Variants in COL24A1 observed in about 807,000 individuals in gnomAD.
COL24A1 encodes collagen type XXIV alpha 1 chain.
In COL24A1, 224 loss-of-function variants were observed where a neutral mutation model predicts 253.9. The observed-to-expected ratio is 0.88, with a 90% CI of 0.79 to 0.99. The LOEUF (loss-of-function observed/expected upper bound fraction) is 0.99. COL24A1 is among the 50% of genes least tolerant of loss of function. COL24A1 has a pLI of 0.00. For synonymous variants in COL24A1, 685 were observed against 673.7 expected (o/e 1.02, Z -0.26); for missense variants, 2,131 against 2,068.5 (o/e 1.03, Z -0.59).
At chr1:85,736,273 G>T (rs1231541252) in intron 58 of COL24A1, 1 of 455,994 alleles carries the variant, frequency 2.2e-6, no homozygotes, top group African/African-American at 2.0e-5. Context: ...TACTTCTCTG[G>T]TCTTCCTTGG....
intron 25 of COL24A1, among the ~76,000 whole-genome samples, chr1:85,910,490 T>C (rs991388361): frequency 1.3e-5 from 2 of 151,862 alleles, no homozygotes; most frequent in Non-Finnish European, 2.9e-5. Context: ...AAATCTGTCA[T>C]AGCAGCTTAA....
chr1:85,924,680 A>G (rs553685407), intron 24 of COL24A1, among the ~76,000 whole-genome samples: 1 of 152,322 alleles, frequency 6.6e-6, no homozygotes, highest in African/African-American at 2.4e-5. Context: ...TCAAAATAAT[A>G]AGAGCTATTT....
At position 85,938,848 on chromosome 1, in the gene COL24A1, C is replaced by CTGATTTAAAT. The variant is rs1189365157; in HGVS notation, c.2562+22400_2562+22401insATTTAAATCA. On this transcript the variant is annotated intron_variant, in intron 24 of 59. Transcript: ENST00000370571. ...ACTATAAAAGCCCAGTTACTTAAGC[C>CTGATTTAAAT]TAGCATGGGACTACTCAGATGGGTC... Among the ~76,000 whole-genome samples the CTGATTTAAAT allele has an allele frequency of 4.2e-5, 5 of 118,062 alleles. 1 individual carries two copies. Among genetic ancestry groups the CTGATTTAAAT allele is most frequent in the Non-Finnish European group, 7.5e-5 (4 of 53,144 alleles). 77.5% of individuals were successfully genotyped at this position (118,062 alleles called of 152,430 possible).
At chr1:85,801,633 C>G (rs182766571) in intron 47 of COL24A1, among the ~76,000 whole-genome samples, 214 of 152,282 alleles carry the variant, frequency 1.4e-3, no homozygotes, top group African/African-American at 5.1e-3. Flanking sequence ...TCTTTGTTGA[C>G]TTTTTTAACC....
intron 53 of COL24A1, among the ~76,000 whole-genome samples, chr1:85,766,057 C>G (rs972134792): frequency 2.0e-5 from 3 of 152,072 alleles, no homozygotes; most frequent in African/African-American, 7.2e-5. Context: ...AACTCTGGCT[C>G]TGTTTAGAAT....
upstream of COL24A1, chr1:86,156,946 G>A (rs1480922124): frequency 1.3e-5 from 2 of 152,284 alleles, no homozygotes; most frequent in African/African-American, 4.8e-5. Context: ...GCAGGCGCTC[G>A]GCGTTGACTG....
chr1:86,081,761 A>T (rs901983028), intron 7 of COL24A1, among the ~76,000 whole-genome samples: 1 of 152,202 alleles, frequency 6.6e-6, no homozygotes, highest in Non-Finnish European at 1.5e-5. Context: ...CATACTTAAT[A>T]TACTGTGGCA....
rs138395177 is a variant in COL24A1 at position 86,045,674 on chromosome 1, C to T, written c.1950+1151G>A. ...AACTTAAAAAGGGTGATAATAGCAACGGTGATGGCAGTTTCTACTGTTATA... is the reference window on the plus strand; with the variant it reads ...AACTTAAAAAGGGTGATAATAGCAATGGTGATGGCAGTTTCTACTGTTATA... On this transcript the variant is annotated intron_variant, in intron 12 of 59. Coordinates refer to ENST00000370571, the MANE Select transcript of COL24A1 (RefSeq NM_152890.7). The T allele has an allele frequency of 2.3e-3, 538 of 238,960 alleles. 1 individual carries two copies. Among genetic ancestry groups the T allele is most frequent in the African/African-American group, 9.1e-3 (401 of 43,932 alleles). The allele number at this position is 238,960 out of a possible 1,614,324, so 14.8% of individuals were successfully genotyped here.
chr1:86,115,247 A>T, intron 4 of COL24A1, 78 bp downstream of exon 4: 1 of 1,424,200 alleles, frequency 7.0e-7, no homozygotes, highest in Non-Finnish European at 9.8e-7. Flanking sequence ...GGAAGTACAT[A>T]CTGTACAATA....
intron 22 of COL24A1, among the ~76,000 whole-genome samples, chr1:85,966,852 C>T (rs551454776): frequency 6.2e-4 from 94 of 152,142 alleles, no homozygotes; most frequent in African/African-American, 2.2e-3. Flanking sequence ...GTATAGACAA[C>T]ACTTTTGAGG....
intron 7 of COL24A1, among the ~76,000 whole-genome samples, chr1:86,084,791 G>T (rs1036723645): frequency 3.3e-5 from 5 of 152,164 alleles, no homozygotes; most frequent in African/African-American, 1.2e-4. Flanking sequence ...GCAACCACTG[G>T]CTTGCCTGTT....
intron 20 of COL24A1, among the ~76,000 whole-genome samples, chr1:85,979,701 C>CA (rs71078632): frequency 9.4e-4 from 135 of 143,670 alleles, no homozygotes; most frequent in South Asian, 2.0e-3. Context: ...TAAAAACTGC[C>CA]AAAAAAAAAA....
At chr1:85,996,253 G>C (rs906794920) in intron 19 of COL24A1, among the ~76,000 whole-genome samples, 4 of 152,172 alleles carry the variant, frequency 2.6e-5, no homozygotes, top group African/African-American at 9.7e-5. Flanking sequence ...GATAAAATCA[G>C]TGGAGCTCAG....
chr1:85,855,755 T>C (rs1678366475), intron 37 of COL24A1, among the ~76,000 whole-genome samples: 1 of 152,196 alleles, frequency 6.6e-6, no homozygotes, highest in Non-Finnish European at 1.5e-5. Flanking sequence ...TTTTTTGGAA[T>C]GGTTTCAGTA....
At chr1:85,817,139 C>A (rs1012069430) in intron 46 of COL24A1, among the ~76,000 whole-genome samples, 4 of 152,178 alleles carry the variant, frequency 2.6e-5, no homozygotes, top group South Asian at 2.1e-4. Context: ...TACTGTGTAA[C>A]TTTTGCGCCT....
At chr1:85,827,805 T>A (rs1190978344) in intron 43 of COL24A1, among the ~76,000 whole-genome samples, 1 of 152,126 alleles carries the variant, frequency 6.6e-6, no homozygotes, top group Admixed American at 6.6e-5. Flanking sequence ...TCTGTTTGAT[T>A]CTTCTCTCTT....
Position 86,125,788 on chromosome 1 carries a change from T to C in COL24A1, c.548A>G (p.Lys183Arg), listed in dbSNP as rs752339371. The C allele has an allele frequency of 2.5e-6, 4 of 1,613,082 alleles. No homozygotes were observed. Among genetic ancestry groups the C allele is most frequent in the Middle Eastern group, 1.7e-4 (1 of 6,044 alleles). ...AATAGTCTCTGTGCTAAAATATTTCTTTCCACACTCAACAAACATTGAGAC... is the reference window on the plus strand; with the variant it reads ...AATAGTCTCTGTGCTAAAATATTTCCTTCCACACTCAACAAACATTGAGAC... Reference protein sequence around the residue: ...QSVSMFVECGKKYFSTETIPE... With the variant: ...QSVSMFVECGRKYFSTETIPE... The change falls in exon 3 of 60, where the codon AAG becomes AGG. Residue 183 changes from lysine (K) to arginine (R), a missense_variant. Lys to Arg is a conservative substitution (Grantham distance 26, BLOSUM62 2). Coordinates refer to ENST00000370571, the MANE Select transcript of COL24A1 (RefSeq NM_152890.7).
chr1:85,975,835 C>T (rs1446146548), intron 20 of COL24A1, among the ~76,000 whole-genome samples: 1 of 152,186 alleles, frequency 6.6e-6, no homozygotes, highest in African/African-American at 2.4e-5. Flanking sequence ...TCCAGACACA[C>T]ATCCCCACTG....
intron 47 of COL24A1, among the ~76,000 whole-genome samples, chr1:85,799,211 A>AAAAAAAAGAAAAAAAGAAAGAAAGAAAG (rs753701297): frequency 7.3e-6 from 1 of 137,546 alleles, no homozygotes; most frequent in African/African-American, 2.8e-5. Context: ...TTGGCCACAT[A>AAAAAAAAGAAAAAAAGAAAGAAAGAAAG]AAAGAAAGAA....
Sources: allele counts gnomAD v4.1 joint callset (sites outside exome capture counted in the v4.1 genomes callset), GRCh38; gene constraint gnomAD v4.1.1; transcripts MANE v1.5; gene names NCBI Gene and HGNC (gene_info 2026-07-23, HGNC 2026-07-21).